PDE4D: variants seen among roughly 807,000 people sequenced by gnomAD.
PDE4D encodes 3',5'-cyclic-AMP phosphodiesterase 4D.
Under a neutral mutation model 87.4 loss-of-function variants are expected in PDE4D, and 24 were observed. That is an observed-to-expected ratio of 0.27 (90% confidence interval 0.20 to 0.39). The LOEUF (loss-of-function observed/expected upper bound fraction) is 0.39. Among genes scored for constraint, PDE4D ranks in the 10% least tolerant of loss-of-function variants. The pLI, the probability that PDE4D is intolerant of heterozygous loss-of-function variation, is 1.00. For synonymous variants in PDE4D, 384 were observed against 383.2 expected (o/e 1.00, Z -0.02); for missense variants, 714 against 1,041.0 (o/e 0.69, Z 4.32).
chr5:59,328,944 C>T (rs564185309), intron 1 of PDE4D, among the ~76,000 whole-genome samples: 16 of 152,206 alleles, frequency 1.1e-4, no homozygotes, highest in East Asian at 5.8e-4. Context: ...TCCAGAAAAG[C>T]GACTCATCTG....
intron 5 of PDE4D, among the ~76,000 whole-genome samples, chr5:59,114,341 T>C (rs940612377): frequency 6.6e-6 from 1 of 152,164 alleles, no homozygotes; most frequent in Non-Finnish European, 1.5e-5. Flanking sequence ...ATGACGTATT[T>C]TTATTTTATT....
At chr5:59,501,243 G>C (rs1808241841) in intron 1 of PDE4D, among the ~76,000 whole-genome samples, 1 of 152,122 alleles carries the variant, frequency 6.6e-6, no homozygotes, top group Non-Finnish European at 1.5e-5. Flanking sequence ...TCTGTCAGCT[G>C]TTTTCTCCCA....
chr5:60,258,113 C>T (rs1314882906), intron 1 of PDE4D, among the ~76,000 whole-genome samples: 2 of 151,904 alleles, frequency 1.3e-5, no homozygotes, highest in Non-Finnish European at 2.9e-5. Context: ...TAACTCAGCT[C>T]CCTCCTCATT....
At chr5:60,325,052 G>A (rs1756659542) in intron 1 of PDE4D, among the ~76,000 whole-genome samples, 2 of 152,148 alleles carry the variant, frequency 1.3e-5, no homozygotes, top group Non-Finnish European at 2.9e-5. Context: ...ATTTCAAAAA[G>A]AATTGCATTG....
chr5:59,735,949 G>A (rs1758005998), intron 1 of PDE4D, among the ~76,000 whole-genome samples: 1 of 152,052 alleles, frequency 6.6e-6, no homozygotes, highest in Non-Finnish European at 1.5e-5. Context: ...GATTACAGGT[G>A]TGAGCCACCC....
chr5:59,393,133 T>C (rs534433487), intron 1 of PDE4D, among the ~76,000 whole-genome samples: 20 of 151,692 alleles, frequency 1.3e-4, no homozygotes, highest in African/African-American at 4.8e-4. Context: ...CAGGAAAGAG[T>C]CAACCTAGGA....
chr5:59,338,214 T>G lies in PDE4D; in HGVS notation c.456-122246A>C, dbSNP rs1778066246. On this transcript the variant is annotated intron_variant, in intron 1 of 14. Transcript: ENST00000340635. ...TTGGTTCTCACAGCCAACAATCAAC[T>G]GAGGTAATAAGGAAAGATAACCATA... Among the ~76,000 whole-genome samples the G allele has an allele frequency of 3.3e-5, 5 of 152,156 alleles. No homozygotes were observed. In the South Asian group the frequency reaches 1.0e-3, roughly 31 times the overall value.
chr5:59,762,781 A>C (rs1021284477), intron 1 of PDE4D, among the ~76,000 whole-genome samples: 2 of 146,604 alleles, frequency 1.4e-5, no homozygotes, highest in African/African-American at 5.0e-5. Context: ...GTATATATAC[A>C]CACACATATT....
chr5:60,401,239 A>C (rs566644780), intron 1 of PDE4D, among the ~76,000 whole-genome samples: 2 of 152,224 alleles, frequency 1.3e-5, no homozygotes. Flanking sequence ...AGACTGCACA[A>C]AAAGCCGGCT....
At chr5:59,320,833 C>T (rs1291092373) in intron 1 of PDE4D, among the ~76,000 whole-genome samples, 1 of 152,040 alleles carries the variant, frequency 6.6e-6, no homozygotes, top group Non-Finnish European at 1.5e-5. Context: ...TTCCTTCTTT[C>T]CTTCTCATTA....
chr5:59,658,123 A>T (rs565717412), intron 1 of PDE4D, among the ~76,000 whole-genome samples: 15 of 152,226 alleles, frequency 9.9e-5, no homozygotes, highest in Non-Finnish European at 1.6e-4. Context: ...AATAATTACA[A>T]ATATACCATT....
intron 1 of PDE4D, among the ~76,000 whole-genome samples, chr5:60,347,628 G>A (rs1758841981): frequency 6.6e-6 from 1 of 152,082 alleles, no homozygotes; most frequent in Admixed American, 6.6e-5. Flanking sequence ...ATGCAGACAT[G>A]ATTTAGAAAG....
intron 2 of PDE4D, among the ~76,000 whole-genome samples, chr5:60,096,798 G>A (rs1287643875): frequency 1.3e-5 from 2 of 152,048 alleles, no homozygotes; most frequent in African/African-American, 4.8e-5. Flanking sequence ...GGAATTCTGA[G>A]CTTTTATGGT....
At chr5:59,206,197 G>A (rs1179414249) in intron 2 of PDE4D, among the ~76,000 whole-genome samples, 2 of 152,160 alleles carry the variant, frequency 1.3e-5, no homozygotes, top group African/African-American at 2.4e-5. Context: ...TTTCCTCTGT[G>A]AACCTGGTGT....
intron 1 of PDE4D, among the ~76,000 whole-genome samples, chr5:60,403,160 C>T (rs1741234630): frequency 6.6e-6 from 1 of 152,226 alleles, no homozygotes; most frequent in Non-Finnish European, 1.5e-5. Context: ...CTCCACAGTG[C>T]TGTCTTAGGA....
At chr5:59,317,287 T>C (rs1773929198) in intron 1 of PDE4D, among the ~76,000 whole-genome samples, 1 of 152,152 alleles carries the variant, frequency 6.6e-6, no homozygotes, top group Non-Finnish European at 1.5e-5. Flanking sequence ...GCTGCATTCA[T>C]AGTACACACT....
At chr5:60,090,244 G>A (rs971798963) in intron 2 of PDE4D, among the ~76,000 whole-genome samples, 2 of 152,058 alleles carry the variant, frequency 1.3e-5, no homozygotes, top group East Asian at 3.8e-4. Context: ...AAAACTACAG[G>A]TCAGTATCAG....
chr5:59,574,154 TTA>T lies in PDE4D; in HGVS notation c.455+319012_455+319013del, dbSNP rs767299592. Among the ~76,000 whole-genome samples, 537 of 88,882 alleles carry T rather than the reference TTA, an allele frequency of 6.0e-3. 10 individuals are homozygous for T. Among genetic ancestry groups the T allele is most frequent in the African/African-American group, 0.026 (500 of 19,574 alleles). The allele number at this position is 88,882 out of a possible 152,430, so 58.3% of individuals were successfully genotyped here. A position where few individuals can be genotyped will look rare whatever the true frequency, so the allele number is the denominator to read the frequency against. On this transcript the variant is annotated intron_variant, in intron 1 of 14. Coordinates refer to ENST00000340635, the MANE Select transcript of PDE4D (RefSeq NM_001104631.2). ...TATATATATATATATAAATATATAT[TTA>T]TATATATATATATATAAATATCTTC...
rs1383023185 is a variant in PDE4D at position 60,455,610 on chromosome 5, C to T, written c.-90+32332G>A. Among the ~76,000 whole-genome samples, 4 of 152,100 alleles carry T rather than the reference C, an allele frequency of 2.6e-5. No individual in the cohort carries two copies. The South Asian group carries it at 6.2e-4, about 24-fold the overall frequency. On this transcript the variant is annotated intron_variant, in intron 1 of 16. Transcript: ENST00000502484. ...CAATTTGCTAGAACACATCCACACA[C>T]CTTTACAGTCCAGTATTCAAGGAGA...
Sources: gnomAD v4.1 joint callset for allele counts (sites outside exome capture counted in the v4.1 genomes callset) on GRCh38, gnomAD v4.1.1 for gene constraint, MANE v1.5 for transcripts, NCBI Gene and HGNC (gene_info 2026-07-23, HGNC 2026-07-21) for gene names.